The following DHX40 variants were observed in gnomAD, a reference collection of about 807,000 sequenced individuals.
The protein encoded by DHX40 is probable ATP-dependent RNA helicase DHX40.
Under a neutral mutation model 89.6 loss-of-function variants are expected in DHX40, and 28 were observed. The ratio of observed to expected loss-of-function variants is 0.31; its 90% confidence interval spans 0.23 to 0.43. The LOEUF is 0.43. Ranked by LOEUF, DHX40 falls within the 20% of genes least tolerant of loss-of-function variation. The pLI, the probability that DHX40 is intolerant of heterozygous loss-of-function variation, is 1.00. For synonymous variants in DHX40, 226 were observed against 283.6 expected (o/e 0.80, Z 2.04); for missense variants, 457 against 844.0 (o/e 0.54, Z 5.68).
chr17:59,568,322 A>T (rs2048737588), intron 2 of DHX40, among the ~76,000 whole-genome samples: 1 of 152,228 alleles, frequency 6.6e-6, no homozygotes, highest in Admixed American at 6.5e-5. Flanking sequence ...TAAGGTTTGT[A>T]AAGAGCAGTA....
rs895437962 is a variant in DHX40, at chr17:59,592,087, T to G, written c.1582+4034T>G. ...GGTCTCCCCATGTTGCCCAGGTTAG[T>G]CTCAAACTCCTAGGCTCAAGCAATC... is the stretch of plus-strand genomic sequence containing the variant. On this transcript the variant is annotated intron_variant, in intron 12 of 17. Transcript: ENST00000251241. 1.8e-4 allele frequency among the ~76,000 whole-genome samples: 28 copies of G among 151,510 alleles called. No homozygotes were observed. The South Asian group carries it at 2.1e-3, about 11-fold the overall frequency.
rs768140192 is a variant in DHX40, at chr17:59,573,778, G to C, written c.585G>C (p.Glu195Asp). The change falls in exon 5 of 18, where the codon GAG becomes GAC. Residue 195 changes from glutamate (E) to aspartate (D), a missense_variant. Glu to Asp is a conservative substitution (Grantham distance 45, BLOSUM62 2). This residue lies in a region of DHX40 where 116 missense variants were observed against 188.9 expected (regional missense o/e 0.61). Transcript: ENST00000251241. ...GTTTATTGAAGAAGCTATTTCAGGA[G>C]AAGTCTCCTAATAGGAAGGAGCATT... ...LFGLLKKLFQ[E>D]KSPNRKEHLK... 1.2e-5 allele frequency: 20 copies of C among 1,613,832 alleles called. No homozygotes were observed. The highest frequency in any genetic ancestry group is 1.2e-5 in the Non-Finnish European group (14 of 1,179,938).
Position 59,607,266 on chromosome 17 carries a change from G to T in DHX40, c.*94G>T, listed in dbSNP as rs1291175473. ...TTTCAGACAGCACTACCAAGAGGAGGTGGTCAGCACTTGTTATTGGCCTAT... is the reference window on the plus strand; with the variant it reads ...TTTCAGACAGCACTACCAAGAGGAGTTGGTCAGCACTTGTTATTGGCCTAT... On this transcript the variant is annotated 3_prime_UTR_variant, in exon 18 of 18. Transcript: ENST00000251241. The T allele has an allele frequency of 1.9e-6, 3 of 1,612,400 alleles. No homozygotes were observed. The highest frequency in any genetic ancestry group is 3.3e-5 in the Admixed American group (2 of 59,746).
At chr17:59,588,908 G>C (rs1437052185) in intron 12 of DHX40, among the ~76,000 whole-genome samples, 1 of 152,138 alleles carries the variant, frequency 6.6e-6, no homozygotes, top group Non-Finnish European at 1.5e-5. Flanking sequence ...TGGACGTACA[G>C]TTGTTGCGGT....
At chr17:59,588,982 G>A (rs1210218517) in intron 12 of DHX40, among the ~76,000 whole-genome samples, 1 of 151,992 alleles carries the variant, frequency 6.6e-6, no homozygotes, top group Non-Finnish European at 1.5e-5. Context: ...TTAAATATCA[G>A]CTGACTATTC....
At position 59,607,095 on chromosome 17, in the gene DHX40, G is replaced by A; in HGVS notation, c.2263G>A (p.Asp755Asn). The stretch of plus-strand genomic sequence containing the variant: ...AAGAAATGATGACAAATCCATATCT[G>A]ATGCACGGGCTCGTTTCCTTGAGAG... ...QRRNDDKSIS[D>N]ARARFLERKQ... Residue 755 changes from aspartate (D) to asparagine (N), a missense_variant, in exon 18 of 18, where the codon GAT becomes AAT. Physicochemically the swap from Asp to Asn is conservative, Grantham distance 23. Transcript: ENST00000251241. 1 of 1,614,180 alleles carries A rather than the reference G, an allele frequency of 6.2e-7. No individual in the cohort carries two copies. Among genetic ancestry groups the A allele is most frequent in the Non-Finnish European group, 8.5e-7 (1 of 1,180,032 alleles).
intron 12 of DHX40, among the ~76,000 whole-genome samples, chr17:59,592,646 C>T (rs1367324659): frequency 1.4e-5 from 2 of 142,562 alleles, no homozygotes; most frequent in South Asian, 4.7e-4. Context: ...GGCACAATCT[C>T]GGCTCACTGC....
intron 14 of DHX40, among the ~76,000 whole-genome samples, chr17:59,600,165 C>G (rs555410468): frequency 2.6e-5 from 4 of 152,250 alleles, no homozygotes; most frequent in Admixed American, 2.6e-4. Context: ...ACTAGGCCCT[C>G]CTGCCCCACC....
chr17:59,590,113 G>A (rs554002427), intron 12 of DHX40, among the ~76,000 whole-genome samples: 2 of 150,978 alleles, frequency 1.3e-5, no homozygotes, highest in Non-Finnish European at 3.0e-5. Context: ...AGGTAGTTTA[G>A]CCCTTGCATC....
chr17:59,593,560 C>T (rs1402638267), intron 12 of DHX40, among the ~76,000 whole-genome samples: 1 of 61,602 alleles, frequency 1.6e-5, no homozygotes, highest in Non-Finnish European at 3.1e-5. Context: ...ACTGCAACCT[C>T]CACCTCCTGG....
At chr17:59,600,053 A>G (rs920250010) in intron 14 of DHX40, among the ~76,000 whole-genome samples, 4 of 152,020 alleles carry the variant, frequency 2.6e-5, no homozygotes, top group Non-Finnish European at 4.4e-5. Flanking sequence ...CAAACTCCTG[A>G]CCTCAAGTGA....
At chr17:59,566,957 A>C (rs1431220319) in intron 2 of DHX40, among the ~76,000 whole-genome samples, 163 bp downstream of exon 2, 2 of 152,014 alleles carry the variant, frequency 1.3e-5, no homozygotes, top group African/African-American at 2.4e-5. Flanking sequence ...TTTATGGTCT[A>C]TTTCAGGTTC....
At chr17:59,571,066 T>C (rs1189156304) in intron 3 of DHX40, among the ~76,000 whole-genome samples, 1 of 152,228 alleles carries the variant, frequency 6.6e-6, no homozygotes, top group Non-Finnish European at 1.5e-5. Context: ...TAAGGATTCT[T>C]GACATGTAGG....
At chr17:59,576,338 G>T (rs1278413937) in intron 7 of DHX40, among the ~76,000 whole-genome samples, 1 of 150,224 alleles carries the variant, frequency 6.7e-6, no homozygotes, top group Non-Finnish European at 1.5e-5. Context: ...GTTGAATGAG[G>T]TTTAGAATTT....
At chr17:59,571,964 C>T (rs998194818) in intron 3 of DHX40, among the ~76,000 whole-genome samples, 1 of 152,270 alleles carries the variant, frequency 6.6e-6, no homozygotes, top group African/African-American at 2.4e-5. Context: ...TCGTGTCACT[C>T]TTATTTCACT....
chr17:59,600,964 T>C (rs775733246), intron 14 of DHX40, among the ~76,000 whole-genome samples: 3 of 151,746 alleles, frequency 2.0e-5, no homozygotes, highest in Non-Finnish European at 4.4e-5. Context: ...GAACTTTTTT[T>C]TATCATCCCA....
At position 59,566,690 on chromosome 17, in the gene DHX40, G is replaced by A. The variant is rs1461316255; in HGVS notation, c.176G>A (p.Arg59Lys). The change falls in exon 2 of 18, where the codon AGA becomes AAA. Residue 59 changes from arginine to lysine, a missense_variant. By Grantham distance (26) the Arg-to-Lys change is conservative (BLOSUM62 2). Coordinates refer to ENST00000251241, the MANE Select transcript of DHX40 (RefSeq NM_024612.5). ...CCAACTTTTCCTATTCAGAAACAAA[G>A]AAAAAAGATTATTCAAGCTGTGAGG... ...TTPTFPIQKQ[R>K]KKIIQAVRDN... 25 of 1,605,564 alleles carry A rather than the reference G, an allele frequency of 1.6e-5. No individual in the cohort carries two copies. Among genetic ancestry groups the A allele is most frequent in the Non-Finnish European group, 2.1e-5 (25 of 1,177,722 alleles).
At chr17:59,592,508 T>C (rs1319647621) in intron 12 of DHX40, among the ~76,000 whole-genome samples, 5 of 149,630 alleles carry the variant, frequency 3.3e-5, no homozygotes, top group Non-Finnish European at 7.4e-5. Context: ...TCACTCTACC[T>C]ACCTTTGGTT....
At chr17:59,576,044 C>A (rs1204108525) in intron 7 of DHX40, among the ~76,000 whole-genome samples, 1 of 144,698 alleles carries the variant, frequency 6.9e-6, no homozygotes, top group Non-Finnish European at 1.5e-5. Flanking sequence ...CGCTCGCCAC[C>A]ACACCTGGCT....
Sources: allele counts gnomAD v4.1 joint callset (sites outside exome capture counted in the v4.1 genomes callset), GRCh38; gene constraint gnomAD v4.1.1; regional missense constraint gnomAD v4.1.1; transcripts MANE v1.5; gene names NCBI Gene and HGNC (gene_info 2026-07-23, HGNC 2026-07-21).